PTPMT1: variants seen among roughly 807,000 people sequenced by gnomAD.
PTPMT1 encodes the protein protein tyrosine phosphatase mitochondrial 1, also known as phosphatidylglycerophosphatase and protein-tyrosine phosphatase 1.
In PTPMT1, 12 loss-of-function variants were observed where a neutral mutation model predicts 17.8. The observed-to-expected ratio is 0.67, with a 90% CI of 0.43 to 1.09. The LOEUF (loss-of-function observed/expected upper bound fraction) is 1.09, where lower values mean the gene tolerates loss of function less well. Among genes scored for constraint, PTPMT1 ranks in the 50% least tolerant of loss-of-function variants. The pLI, the probability that PTPMT1 is intolerant of heterozygous loss-of-function variation, is 0.00. For synonymous variants in PTPMT1, 132 were observed against 116.8 expected (o/e 1.13, Z -0.84); for missense variants, 262 against 266.0 (o/e 0.99, Z 0.10).
At chr11:47,566,038 C>T in intron 2 of PTPMT1, 52 bp downstream of exon 2, 1 of 1,505,326 alleles carries the variant, frequency 6.6e-7, no homozygotes, top group African/African-American at 1.4e-5. Context: ...CCCTCGCCCA[C>T]CGCCCTGAGC....
At chr11:47,569,588 T>C (rs1021333492) in intron 2 of PTPMT1, 112 bp from the exon 3 acceptor site, 2 of 756,844 alleles carry the variant, frequency 2.6e-6, no homozygotes, top group Non-Finnish European at 4.2e-6. Context: ...ATTCCCATTG[T>C]AGTAAACCCT....
In PTPMT1 at chr11:47,565,635, G is replaced by A. The variant is rs2097242362; in HGVS notation, c.13G>A (p.Ala5Thr). The part of the protein sequence containing the change: MAAT[A>T]LLEAGLARVL... ...GCGCCGGGCCGGGATGGCGGCCACC[G>A]CGCTGCTGGAGGCCGGCCTGGCGCG... Residue 5 changes from alanine (A) to threonine (T), a missense_variant, in exon 1 of 4, where the codon GCG becomes ACG. Transcript: ENST00000326674. The A allele has an allele frequency of 7.6e-7, 1 of 1,321,150 alleles. No individual in the cohort carries two copies. The allele number at this position is 1,321,150 out of a possible 1,614,324, so 81.8% of individuals were successfully genotyped here.
chr11:47,573,426 C>A lies in PTPMT1; in HGVS notation c.*1797C>A. On this transcript the variant is annotated 3_prime_UTR_variant, in exon 4 of 4. Transcript: ENST00000326674. This position sits in a 1 kb window ranked among gnomAD's most constrained non-coding sequence, Gnocchi z 4.1. ...AGTTGTCTCTGTCCACACATTATCA[C>A]CTACGCGATAATAAATGACTGCGTT... 6.2e-7 allele frequency: 1 copy of A among 1,614,212 alleles called. No individual in the cohort carries two copies. The highest frequency in any genetic ancestry group is 8.5e-7 in the Non-Finnish European group (1 of 1,180,040).
chr11:47,572,861 G>C lies in PTPMT1; in HGVS notation c.*1232G>C. ...AAAAAAAACATAACTCTGAATTGGG[G>C]CCCAGGGGACTTTGAGTTTGTATGG... On this transcript the variant is annotated 3_prime_UTR_variant, in exon 4 of 4. Coordinates refer to ENST00000326674, the MANE Select transcript of PTPMT1 (RefSeq NM_175732.3). The C allele has an allele frequency of 2.6e-6, 4 of 1,515,374 alleles. No individual in the cohort carries two copies. Among genetic ancestry groups the C allele is most frequent in the Non-Finnish European group, 3.6e-6 (4 of 1,117,580 alleles). 93.9% of individuals were successfully genotyped at this position (1,515,374 alleles called of 1,614,324 possible). A position where few individuals can be genotyped will look rare whatever the true frequency, so the allele number is the denominator to read the frequency against.
intron 2 of PTPMT1, among the ~76,000 whole-genome samples, chr11:47,566,757 T>G (rs1466498480): frequency 6.6e-6 from 1 of 152,158 alleles, no homozygotes; most frequent in Non-Finnish European, 1.5e-5. Flanking sequence ...AGATTTTTCA[T>G]AAAACTATCC....
At chr11:47,567,982 C>T (rs1033128336) in intron 2 of PTPMT1, among the ~76,000 whole-genome samples, 3 of 151,964 alleles carry the variant, frequency 2.0e-5, no homozygotes, top group Non-Finnish European at 4.4e-5. Context: ...TGCAGTGGCA[C>T]GATCTCGGCT....
intron 2 of PTPMT1, 55 bp downstream of exon 2, chr11:47,566,041 C>T (rs1032507507): frequency 1.3e-6 from 2 of 1,504,976 alleles, no homozygotes; most frequent in Non-Finnish European, 1.8e-6. Flanking sequence ...TCGCCCACCG[C>T]CCTGAGCCTG....
At position 47,573,365 on chromosome 11, in the gene PTPMT1, G is replaced by A. The variant is rs372227345; in HGVS notation, c.*1736G>A. The A allele has an allele frequency of 5.6e-6, 9 of 1,614,048 alleles. No individual in the cohort carries two copies. In the African/African-American group the frequency reaches 1.2e-4, roughly 22 times the overall value. On this transcript the variant is annotated 3_prime_UTR_variant, in exon 4 of 4. Transcript: ENST00000326674. The surrounding 1 kb of genome is among the most constrained non-coding windows in gnomAD (Gnocchi z 4.1). Reference sequence around the variant, plus strand: ...GTAAGTAGATGATCCCGTTGAGGTTGGCACCAGCAGCCCCTGACACAGCCA... The same window carrying A: ...GTAAGTAGATGATCCCGTTGAGGTTAGCACCAGCAGCCCCTGACACAGCCA...
Position 47,569,696 on chromosome 11 carries a change from C to A in PTPMT1, c.256-4C>A, listed in dbSNP as rs753636328. ...CTTTTTCATACTGGTGGACCTGGTTCCAGGAGTGGAAGAGACTAGGAGTCG... is the reference window on the plus strand; with the variant it reads ...CTTTTTCATACTGGTGGACCTGGTTACAGGAGTGGAAGAGACTAGGAGTCG... On this transcript the variant is annotated splice_polypyrimidine_tract_variant and splice_region_variant and intron_variant, in intron 2 of 3. Transcript: ENST00000326674. The A allele has an allele frequency of 1.9e-6, 3 of 1,600,020 alleles. No homozygotes were observed. The highest frequency in any genetic ancestry group is 2.6e-6 in the Non-Finnish European group (3 of 1,172,186).
chr11:47,573,379 C>A lies in PTPMT1; in HGVS notation c.*1750C>A. 1.2e-6 allele frequency: 2 copies of A among 1,614,202 alleles called. No homozygotes were observed. The highest frequency in any genetic ancestry group is 1.7e-6 in the Non-Finnish European group (2 of 1,180,030). On this transcript the variant is annotated 3_prime_UTR_variant, in exon 4 of 4. Transcript: ENST00000326674. This position sits in a 1 kb window ranked among gnomAD's most constrained non-coding sequence, Gnocchi z 4.1. ...CCGTTGAGGTTGGCACCAGCAGCCCCTGACACAGCCACCTCTAGCTGAGTT... is the reference window on the plus strand; with the variant it reads ...CCGTTGAGGTTGGCACCAGCAGCCCATGACACAGCCACCTCTAGCTGAGTT...
intron 2 of PTPMT1, 132 bp from the exon 3 acceptor site, chr11:47,569,568 G>C (rs894156969): frequency 3.4e-6 from 2 of 584,026 alleles, no homozygotes; most frequent in African/African-American, 1.9e-5. Context: ...TAGAAAACAG[G>C]CAACAGTGTA....
chr11:47,573,236 C>T lies in PTPMT1; in HGVS notation c.*1607C>T, dbSNP rs149097832. 123 of 1,614,020 alleles carry T rather than the reference C, an allele frequency of 7.6e-5. No homozygotes were observed. In the African/African-American group the frequency reaches 1.5e-3, roughly 20 times the overall value. On this transcript the variant is annotated 3_prime_UTR_variant, in exon 4 of 4. Transcript: ENST00000326674. The surrounding 1 kb of genome is among the most constrained non-coding windows in gnomAD (Gnocchi z 4.1). Reference sequence around the variant, plus strand: ...CTGCGTGCATGCGGCCTGCAAAGGGCAGCACATAGGGCTTCACATGGCATT... The same window carrying T: ...CTGCGTGCATGCGGCCTGCAAAGGGTAGCACATAGGGCTTCACATGGCATT...
chr11:47,567,296 C>G (rs1273855879), intron 2 of PTPMT1, among the ~76,000 whole-genome samples: 1 of 151,660 alleles, frequency 6.6e-6, no homozygotes, highest in Non-Finnish European at 1.5e-5. Flanking sequence ...ATCCTAGCTA[C>G]TTGGGAGGCT....
In PTPMT1 at chr11:47,571,806, C is replaced by T. The variant is rs540947986; in HGVS notation, c.*177C>T. On this transcript the variant is annotated 3_prime_UTR_variant, in exon 4 of 4. Transcript: ENST00000326674. ...TTCTTGAAATAACACTGTTGTGTGG[C>T]TAGAAAGGAAAAGATTTAGTGTGGC... 150 of 605,396 alleles carry T rather than the reference C, an allele frequency of 2.5e-4. 1 individual carries two copies. The South Asian group carries it at 3.1e-3, about 12-fold the overall frequency. The allele number at this position is 605,396 out of a possible 1,614,324, so 37.5% of individuals were successfully genotyped here.
intron 2 of PTPMT1, among the ~76,000 whole-genome samples, chr11:47,568,588 G>A (rs1324363656): frequency 6.6e-6 from 1 of 151,926 alleles, no homozygotes; most frequent in African/African-American, 2.4e-5. Flanking sequence ...AGGCTGAGGT[G>A]GGAGGACTGC....
intron 2 of PTPMT1, among the ~76,000 whole-genome samples, chr11:47,566,412 G>A (rs976599989): frequency 5.3e-5 from 8 of 151,554 alleles, no homozygotes; most frequent in African/African-American, 1.7e-4. Flanking sequence ...TAGCCCGGGA[G>A]GTGGAGGTTG....
chr11:47,571,756 TTTTC>T lies in PTPMT1; in HGVS notation c.*133_*136del. The T allele has an allele frequency of 2.4e-6, 2 of 846,556 alleles. No individual in the cohort carries two copies. Among genetic ancestry groups the T allele is most frequent in the Non-Finnish European group, 3.7e-6 (2 of 533,796 alleles). 52.4% of individuals were successfully genotyped at this position (846,556 alleles called of 1,614,324 possible). A position where few individuals can be genotyped will look rare whatever the true frequency, so the allele number is the denominator to read the frequency against. On this transcript the variant is annotated 3_prime_UTR_variant, in exon 4 of 4. Coordinates refer to ENST00000326674, the MANE Select transcript of PTPMT1 (RefSeq NM_175732.3). ...AATGTGCCAATAGGTAATAGGTAAT[TTTTC>T]TTTCTCTGACTTGTTTTGTTTTCTT...
intron 2 of PTPMT1, among the ~76,000 whole-genome samples, chr11:47,568,163 G>A (rs143016699): frequency 0.036 from 5,478 of 151,266 alleles, 100 homozygotes; most frequent in Middle Eastern, 0.066. Context: ...CTCGTGATCC[G>A]CCCGCCTTGG....
chr11:47,570,804 G>C (rs1565927977), intron 3 of PTPMT1, among the ~76,000 whole-genome samples: 1 of 152,190 alleles, frequency 6.6e-6, no homozygotes, highest in African/African-American at 2.4e-5. Context: ...CTCCCACAGA[G>C]CATTTTCTAA....
Sources: gnomAD v4.1 joint callset for allele counts (sites outside exome capture counted in the v4.1 genomes callset) on GRCh38, gnomAD v4.1.1 for gene constraint, Gnocchi (gnomAD v3.1) non-coding constraint, MANE v1.5 for transcripts, NCBI Gene and HGNC (gene_info 2026-07-23, HGNC 2026-07-21) for gene names.